The following RTF2 variants were observed in gnomAD, a reference collection of about 807,000 sequenced individuals.
RTF2 encodes UPF0549 protein C20orf43.
RTF2 carries 18 observed loss-of-function variants against 38.0 expected under a neutral mutation model. The observed-to-expected ratio is 0.47, with a 90% CI of 0.33 to 0.70. The LOEUF (loss-of-function observed/expected upper bound fraction) is 0.70, where lower values mean the gene tolerates loss of function less well. Ranked by LOEUF, RTF2 falls within the 30% of genes least tolerant of loss-of-function variation. The probability of loss-of-function intolerance (pLI) is 0.02; values close to 1 mark genes in which losing one functional copy is unlikely to be tolerated. For synonymous variants in RTF2, 126 were observed against 137.1 expected (o/e 0.92, Z 0.57); for missense variants, 311 against 379.6 (o/e 0.82, Z 1.50).
intron 5 of RTF2, among the ~76,000 whole-genome samples, chr20:56,484,469 A>G (rs1982681760): frequency 6.6e-6 from 1 of 152,134 alleles, no homozygotes; most frequent in Admixed American, 6.5e-5. Context: ...CTGCTCCCCC[A>G]TGAGCCCCCA....
At chr20:56,497,585 C>G in intron 5 of RTF2, 1 of 1,336,104 alleles carries the variant, frequency 7.5e-7, no homozygotes, top group Non-Finnish European at 9.9e-7. Flanking sequence ...CAAGTCCAGA[C>G]TTTGTGGCTC....
At chr20:56,494,727 G>A (rs746295292) in intron 5 of RTF2, among the ~76,000 whole-genome samples, 89 of 152,146 alleles carry the variant, frequency 5.8e-4, no homozygotes, top group Non-Finnish European at 8.8e-4. Flanking sequence ...TCTGGTATTT[G>A]ATTTACATTT....
In RTF2 at chr20:56,517,259, C is replaced by T. The variant is rs1190358333; in HGVS notation, c.742+58C>T. 5.0e-6 allele frequency: 7 copies of T among 1,413,496 alleles called. No individual in the cohort carries two copies. In the South Asian group the frequency reaches 5.9e-5, roughly 12 times the overall value. The allele number at this position is 1,413,496 out of a possible 1,614,324, so 87.6% of individuals were successfully genotyped here. ...CGAGAAGGCTGGAAACCCAGGTGGC[C>T]GAGTCCAGGTTTCACTGGAGTGGGT... On this transcript the variant is annotated intron_variant, in intron 8 of 8. Coordinates refer to ENST00000357348, the MANE Select transcript of RTF2 (RefSeq NM_016407.5).
Position 56,502,554 on chromosome 20 carries a change from A to G in RTF2, c.478-10761A>G, listed in dbSNP as rs370645437. ...AGACTTTTTAGGGTGAGTTGGCAGC[A>G]TCCCATATATACTCTTTCGTTGCAT... On this transcript the variant is annotated intron_variant, in intron 5 of 8. Coordinates refer to ENST00000357348, the MANE Select transcript of RTF2 (RefSeq NM_016407.5). 3.3e-5 allele frequency among the ~76,000 whole-genome samples: 5 copies of G among 152,310 alleles called. 1 individual carries two copies. The highest frequency in any genetic ancestry group is 1.9e-4 in the East Asian group (1 of 5,186).
chr20:56,505,258 G>A (rs1163549467), intron 5 of RTF2, among the ~76,000 whole-genome samples: 1 of 151,986 alleles, frequency 6.6e-6, no homozygotes, highest in East Asian at 1.9e-4. Flanking sequence ...AGGCTGAGGT[G>A]GGAAGATTGC....
intron 5 of RTF2, chr20:56,491,854 C>T (rs184740296): frequency 2.9e-4 from 330 of 1,135,760 alleles, no homozygotes; most frequent in Middle Eastern, 2.8e-4. Context: ...CAGAAAGTGG[C>T]GCATGCTCCG....
intron 6 of RTF2, 143 bp from the exon 7 acceptor site, chr20:56,516,792 A>G (rs550084689): frequency 4.0e-6 from 3 of 742,228 alleles, no homozygotes; most frequent in African/African-American, 1.8e-5. Flanking sequence ...CGGAACATCA[A>G]AAGCCTTCTT....
chr20:56,509,627 A>AG (rs60181502), intron 5 of RTF2, among the ~76,000 whole-genome samples: 7 of 151,536 alleles, frequency 4.6e-5, no homozygotes, highest in African/African-American at 1.7e-4. Flanking sequence ...AAAAAAAAAA[A>AG]GAAAAACGAT....
At chr20:56,482,567 A>G (rs926826398) in intron 4 of RTF2, among the ~76,000 whole-genome samples, 4 of 152,248 alleles carry the variant, frequency 2.6e-5, no homozygotes, top group African/African-American at 9.6e-5. Context: ...GAAAAATGGA[A>G]ATAAACTGTT....
intron 5 of RTF2, chr20:56,495,356 C>A (rs1983452286): frequency 7.7e-7 from 1 of 1,300,516 alleles, no homozygotes; most frequent in Non-Finnish European, 1.1e-6. Context: ...TCTTTTAGTA[C>A]AAGTTCTTCT....
intron 5 of RTF2, among the ~76,000 whole-genome samples, chr20:56,494,450 T>G (rs1983377818): frequency 6.6e-6 from 1 of 152,220 alleles, no homozygotes; most frequent in African/African-American, 2.4e-5. Context: ...AGCCCCCTGC[T>G]TTTTCTGAGC....
intron 5 of RTF2, among the ~76,000 whole-genome samples, chr20:56,510,765 C>T (rs376390997): frequency 9.2e-4 from 140 of 152,204 alleles, no homozygotes; most frequent in African/African-American, 3.2e-3. Flanking sequence ...CATGGCAAAA[C>T]CCTGTCTCTA....
chr20:56,507,575 G>A (rs1287817802), intron 5 of RTF2, among the ~76,000 whole-genome samples: 1 of 152,196 alleles, frequency 6.6e-6, no homozygotes, highest in African/African-American at 2.4e-5. Context: ...CAACACAACT[G>A]TATGCAGAAT....
rs546319551 is a variant in RTF2 at position 56,489,916 on chromosome 20, C to T, written c.477+5727C>T. Among the ~76,000 whole-genome samples, 4 of 152,310 alleles carry T rather than the reference C, an allele frequency of 2.6e-5. No individual in the cohort carries two copies. In the East Asian group the frequency reaches 5.8e-4, roughly 22 times the overall value. The stretch of plus-strand genomic sequence containing the variant: ...TGTAGCCAGCTATCGCCTTTGGGGG[C>T]GCCGTGTTTGCCTGTAGAAATGTGT... On this transcript the variant is annotated intron_variant, in intron 5 of 8. Coordinates refer to ENST00000357348, the MANE Select transcript of RTF2 (RefSeq NM_016407.5).
At chr20:56,507,191 T>A (rs988068113) in intron 5 of RTF2, among the ~76,000 whole-genome samples, 3 of 152,002 alleles carry the variant, frequency 2.0e-5, no homozygotes, top group African/African-American at 7.3e-5. Flanking sequence ...ACTAAAGAGG[T>A]GGGGAGCAGG....
chr20:56,502,564 T>C (rs1397406982), intron 5 of RTF2, among the ~76,000 whole-genome samples: 2 of 152,200 alleles, frequency 1.3e-5, no homozygotes, highest in Non-Finnish European at 2.9e-5. Context: ...ATCCCATATA[T>C]ACTCTTTCGT....
In RTF2 at chr20:56,516,938, A is replaced by G. The variant is rs776125741; in HGVS notation, c.595A>G (p.Thr199Ala). 1 of 1,613,974 alleles carries G rather than the reference A, an allele frequency of 6.2e-7. No homozygotes were observed. Among genetic ancestry groups the G allele is most frequent in the South Asian group, 1.1e-5 (1 of 91,072 alleles). The change falls in exon 7 of 9, where the codon ACA becomes GCA. Residue 199 changes from threonine to alanine, a missense_variant. Thr to Ala is a moderately conservative substitution (Grantham distance 58, BLOSUM62 0). Coordinates refer to ENST00000357348, the MANE Select transcript of RTF2 (RefSeq NM_016407.5). ...AACATTCTCTATCTTTTTGTAGAAA[A>G]CAAAGAAACCCAAGGCAGCAGAGTC... ...RRLRAKLEKK[T>A]KKPKAAESVS... is the part of the protein sequence containing the mutation.
chr20:56,493,398 C>T (rs1370099612), intron 5 of RTF2, among the ~76,000 whole-genome samples: 2 of 152,110 alleles, frequency 1.3e-5, no homozygotes, highest in Non-Finnish European at 2.9e-5. Flanking sequence ...TGGTTCATGT[C>T]TGTAATCTCA....
intron 5 of RTF2, among the ~76,000 whole-genome samples, chr20:56,507,259 C>T (rs1334389583): frequency 1.3e-5 from 2 of 152,092 alleles, no homozygotes; most frequent in African/African-American, 4.8e-5. Flanking sequence ...CGCAGTAGCC[C>T]CTACCCTTGT....
Sources: gnomAD v4.1 joint callset for allele counts (sites outside exome capture counted in the v4.1 genomes callset) on GRCh38, gnomAD v4.1.1 for gene constraint, MANE v1.5 for transcripts, NCBI Gene and HGNC (gene_info 2026-07-23, HGNC 2026-07-21) for gene names.